BRD8: variants seen among roughly 807,000 people sequenced by gnomAD.
The protein encoded by BRD8 is bromodomain-containing protein 8.
A neutral mutation model predicts 143.1 loss-of-function variants in BRD8; 67 were observed. The observed-to-expected ratio is 0.47, with a 90% CI of 0.38 to 0.57. The LOEUF (loss-of-function observed/expected upper bound fraction) is 0.57. BRD8 is among the 20% of genes least tolerant of loss of function. BRD8 has a pLI of 0.00. For missense variants in BRD8, 1,103 were observed against 1,503.0 expected, an observed-to-expected ratio of 0.73 and a Z score of 4.40; for synonymous variants, 505 against 517.1, an observed-to-expected ratio of 0.98 and a Z score of 0.32.
intron 11 of BRD8, 80 bp from the exon 12 acceptor site, chr5:138,165,246 G>A (rs1310694928): frequency 7.0e-7 from 1 of 1,433,522 alleles, no homozygotes; most frequent in Non-Finnish European, 9.4e-7. Flanking sequence ...CAAATGTGAT[G>A]GCTTGAATCT....
Position 138,169,365 on chromosome 5 carries a change from C to T in BRD8, c.506-7G>A. On this transcript the variant is annotated splice_polypyrimidine_tract_variant and splice_region_variant and intron_variant, in intron 7 of 26. Transcript: ENST00000254900. ...GTTTTTACTGCTTGACGAGCTAGAA[C>T]ATAAAAGAGAACAATGTCCAAATCT... 1 of 1,612,422 alleles carries T rather than the reference C, an allele frequency of 6.2e-7. No individual in the cohort carries two copies. Among genetic ancestry groups the T allele is most frequent in the Non-Finnish European group, 8.5e-7 (1 of 1,179,400 alleles).
chr5:138,153,673 C>CTTTTTTTTTTTTTTTT (rs67848204), intron 20 of BRD8, among the ~76,000 whole-genome samples: 3 of 107,360 alleles, frequency 2.8e-5, no homozygotes, highest in Non-Finnish European at 5.7e-5. Context: ...CTTTTCTTTT[C>CTTTTTTTTTTTTTTTT]TTTTTTTTTT....
chr5:138,140,708 A>G lies in BRD8; in HGVS notation c.3612T>C (p.Ile1204=). The G allele has an allele frequency of 6.2e-7, 1 of 1,613,904 alleles. No homozygotes were observed. The highest frequency in any genetic ancestry group is 1.1e-5 in the South Asian group (1 of 91,088). The change falls in exon 26 of 27, where the codon ATT becomes ATC. Residue 1204 remains isoleucine (I), a synonymous_variant. Coordinates refer to ENST00000254900, the MANE Select transcript of BRD8 (RefSeq NM_139199.2). ...TACAGGTATCTGCATACAGTACCTG[A>G]ATCTGCTCCAGGACTTCTTGCCGCA... ...VEMRQEVLEQ[I]QVLNIWLDKR... is the part of the protein sequence containing the mutation.
At chr5:138,169,012 A>T (rs1254977823) in intron 8 of BRD8, among the ~76,000 whole-genome samples, 1 of 152,238 alleles carries the variant, frequency 6.6e-6, no homozygotes, top group Non-Finnish European at 1.5e-5. Flanking sequence ...TTCTTAAAAT[A>T]GTTTTTTACC....
chr5:138,144,789 C>G (rs1417522496), intron 25 of BRD8, among the ~76,000 whole-genome samples: 1 of 150,256 alleles, frequency 6.7e-6, no homozygotes, highest in Non-Finnish European at 1.5e-5. Flanking sequence ...GTAGTCTTAG[C>G]TACTTGGGAG....
intron 6 of BRD8, 171 bp downstream of exon 6, chr5:138,170,661 C>A: frequency 1.4e-6 from 1 of 736,304 alleles, no homozygotes; most frequent in Non-Finnish European, 2.4e-6. Flanking sequence ...ATTATATTAC[C>A]TTCTAGGACT....
intron 23 of BRD8, among the ~76,000 whole-genome samples, chr5:138,147,889 G>C (rs1402708610): frequency 2.0e-5 from 3 of 151,710 alleles, no homozygotes; most frequent in African/African-American, 7.3e-5. Flanking sequence ...AGTGAGCCAA[G>C]ATCATGCCAT....
At chr5:138,161,705 G>T in intron 17 of BRD8, 91 bp downstream of exon 17, 1 of 1,319,916 alleles carries the variant, frequency 7.6e-7, no homozygotes, top group Non-Finnish European at 1.1e-6. Context: ...AAACTTACTT[G>T]CTTTAAACTT....
intron 9 of BRD8, chr5:138,166,984 G>A (rs1468652718): frequency 8.5e-6 from 3 of 354,804 alleles, no homozygotes; most frequent in East Asian, 1.4e-4. Flanking sequence ...AGTGGCTCAC[G>A]CCTGTAATGC....
rs1302400826 is a variant in BRD8, at chr5:138,172,485, C to T, written c.117-351G>A. Among the ~76,000 whole-genome samples the T allele has an allele frequency of 8.0e-5, 11 of 136,754 alleles. No individual in the cohort carries two copies. In the South Asian group the frequency reaches 1.4e-3, roughly 18 times the overall value. The allele number at this position is 136,754 out of a possible 152,430, so 89.7% of individuals were successfully genotyped here. ...TCACAGTGGGCCGAGATCTCACCAC[C>T]GCACTCCAGCCTGGGGACAGAGTGA... On this transcript the variant is annotated intron_variant, in intron 2 of 26. Transcript: ENST00000254900.
Position 138,164,354 on chromosome 5 carries a change from TA to T in BRD8, c.1790del (p.Leu597Ter). 1 of 1,614,158 alleles carries T rather than the reference TA, an allele frequency of 6.2e-7. No homozygotes were observed. The highest frequency in any genetic ancestry group is 8.5e-7 in the Non-Finnish European group (1 of 1,180,012). On this transcript the variant is annotated frameshift_variant, in exon 13 of 27. Coordinates refer to ENST00000254900, the MANE Select transcript of BRD8 (RefSeq NM_139199.2). LOFTEE classifies it high-confidence loss of function. ...CAAACTTGTGCTGAGTCTCTGCCTC[TA>T]AAGGATCTTCAATGGGATTTGAGCC... ...SHGSNPIEDP[L>X]EAETQHKFEM...
chr5:138,165,094 C>G lies in BRD8; in HGVS notation c.1351G>C (p.Asp451His). 2.5e-6 allele frequency: 4 copies of G among 1,614,128 alleles called. No homozygotes were observed. The highest frequency in any genetic ancestry group is 3.4e-6 in the Non-Finnish European group (4 of 1,180,022). Residue 451 changes from aspartate (D) to histidine (H), a missense_variant, in exon 12 of 27, where the codon GAT becomes CAT. Asp to His is a moderately conservative substitution (Grantham distance 81). Around this residue, in one of 7 missense-constraint regions of BRD8, gnomAD observed 53 missense variants for 101.4 expected, o/e 0.52. Transcript: ENST00000254900. ...AALSFCEEND[D>H]PQSLPGPWEH... ...CAGGGGCCAGGCAGGGACTGAGGATCATCATTTTCTTCACAAAATGACAGT... is the reference window on the plus strand; with the variant it reads ...CAGGGGCCAGGCAGGGACTGAGGATGATCATTTTCTTCACAAAATGACAGT...
Position 138,166,675 on chromosome 5 carries a change from T to G in BRD8, c.840A>C (p.Thr280=), listed in dbSNP as rs777709009. The change falls in exon 10 of 27, where the codon ACA becomes ACC. Residue 280 remains threonine (T), a synonymous_variant. Transcript: ENST00000254900. ...CAACAGTAGTGAAGGAAGCAAGAGG[T>G]GTGGTGAACTGTGTAGGACCAGCTT... ...LLEAGPTQFT[T]PLASFTTVAS... 2 of 1,613,778 alleles carry G rather than the reference T, an allele frequency of 1.2e-6. No individual in the cohort carries two copies. Among genetic ancestry groups the G allele is most frequent in the South Asian group, 1.1e-5 (1 of 91,048 alleles).
chr5:138,170,638 ACTGAAATGTC>A lies in BRD8; in HGVS notation c.440+184_440+193del, dbSNP rs36019494. 1.0e-3 allele frequency: 795 copies of A among 769,546 alleles called. 5 individuals are homozygous for A. The African/African-American group carries it at 0.012, about 11-fold the overall frequency. 47.7% of individuals were successfully genotyped at this position (769,546 alleles called of 1,614,324 possible). ...AGTTAGAACTAAGTTATGTTTTCAT[ACTGAAATGTC>A]CCATTATATTACCTTCTAGGACTCA... is the stretch of plus-strand genomic sequence containing the variant. On this transcript the variant is annotated intron_variant, in intron 6 of 26. Transcript: ENST00000254900.
intron 25 of BRD8, among the ~76,000 whole-genome samples, chr5:138,144,449 C>T (rs1189748616): frequency 2.0e-5 from 3 of 152,194 alleles, no homozygotes; most frequent in Non-Finnish European, 2.9e-5. Flanking sequence ...GAACCAATTC[C>T]GGACACAATA....
intron 23 of BRD8, among the ~76,000 whole-genome samples, chr5:138,148,159 GAA>G (rs764280222): frequency 1.1e-4 from 8 of 73,652 alleles, no homozygotes; most frequent in South Asian, 4.7e-4. Flanking sequence ...TGATGAGCTG[GAA>G]AAAAAAAAAA....
At chr5:138,157,014 T>G (rs1002845760) in intron 20 of BRD8, 4 of 1,431,568 alleles carry the variant, frequency 2.8e-6, no homozygotes, top group Non-Finnish European at 3.6e-6. Flanking sequence ...GACATTAACA[T>G]AGCCCATGGT....
chr5:138,151,832 TTTTTAA>T (rs979823393), intron 21 of BRD8, among the ~76,000 whole-genome samples: 31 of 151,750 alleles, frequency 2.0e-4, no homozygotes, highest in African/African-American at 7.3e-4. Flanking sequence ...CCCGGCTAAT[TTTTTAA>T]TTTTAATTTT....
At chr5:138,140,515 A>T in intron 26 of BRD8, 190 bp downstream of exon 26, 2 of 659,294 alleles carry the variant, frequency 3.0e-6, no homozygotes, top group Non-Finnish European at 5.4e-6. Flanking sequence ...TTCCTAGACT[A>T]CTTCACTATC....
Sources: gnomAD v4.1 joint callset for allele counts (sites outside exome capture counted in the v4.1 genomes callset) on GRCh38, gnomAD v4.1.1 for gene constraint, gnomAD v4.1.1 regional missense constraint, MANE v1.5 for transcripts, NCBI Gene and HGNC (gene_info 2026-07-23, HGNC 2026-07-21) for gene names.